The following SGMS1 variants were observed in gnomAD, a reference collection of about 807,000 sequenced individuals.
The protein encoded by SGMS1 is phosphatidylcholine:ceramide cholinephosphotransferase 1.
SGMS1 carries 13 observed loss-of-function variants against 46.2 expected under a neutral mutation model. The ratio of observed to expected loss-of-function variants is 0.28; its 90% CI spans 0.18 to 0.45. The LOEUF is 0.45. Among genes scored for constraint, SGMS1 ranks in the 20% least tolerant of loss-of-function variants. The pLI is 1.00. For missense variants in SGMS1, 324 were observed against 519.9 expected, an observed-to-expected ratio of 0.62 and a Z score of 3.66; for synonymous variants, 203 against 187.8, an observed-to-expected ratio of 1.08 and a Z score of -0.66.
At chr10:50,325,144 G>A (rs1385207037) in intron 8 of SGMS1, among the ~76,000 whole-genome samples, 4 of 152,130 alleles carry the variant, frequency 2.6e-5, no homozygotes, top group Non-Finnish European at 5.9e-5. Flanking sequence ...TTACCTGGGA[G>A]TTGTTTTAAA....
chr10:50,384,602 C>T (rs2133485659), intron 6 of SGMS1, among the ~76,000 whole-genome samples: 1 of 152,062 alleles, frequency 6.6e-6, no homozygotes, highest in East Asian at 1.9e-4. Context: ...TGTGTGCCAC[C>T]ATGCCAGGTT....
intron 1 of SGMS1, among the ~76,000 whole-genome samples, chr10:50,594,849 A>T (rs542492624): frequency 1.3e-5 from 2 of 152,212 alleles, no homozygotes; most frequent in Admixed American, 1.3e-4. Context: ...AAATAAGTTC[A>T]TTTCAACTCA....
At chr10:50,551,867 C>T (rs766881762) in intron 2 of SGMS1, among the ~76,000 whole-genome samples, 1 of 152,108 alleles carries the variant, frequency 6.6e-6, no homozygotes. Context: ...AGCTTTCTGA[C>T]ACACAAATCT....
intron 1 of SGMS1, among the ~76,000 whole-genome samples, chr10:50,614,052 T>A (rs1838774276): frequency 6.6e-6 from 1 of 152,194 alleles, no homozygotes; most frequent in South Asian, 2.1e-4. Flanking sequence ...CTCAATATAC[T>A]TTTAATTTGT....
At position 50,327,241 on chromosome 10, in the gene SGMS1, G is replaced by T; in HGVS notation, c.705C>A (p.Leu235=). 1 of 1,604,602 alleles carries T rather than the reference G, an allele frequency of 6.2e-7. No individual in the cohort carries two copies. The highest frequency in any genetic ancestry group is 1.1e-5 in the South Asian group (1 of 89,422). Residue 235 remains leucine (L), a synonymous_variant, in exon 8 of 11, where the codon CTC becomes CTA. Coordinates refer to ENST00000361781, the MANE Select transcript of SGMS1 (RefSeq NM_147156.4). The part of the protein sequence containing the change: ...YRCITMYVTT[L]PVPGMHFNCS... ...AGTTGAAATGCATACCAGGTACTGGGAGTGTAGTTACATACATTGTAATAC... is the reference window on the plus strand; with the variant it reads ...AGTTGAAATGCATACCAGGTACTGGTAGTGTAGTTACATACATTGTAATAC...
At chr10:50,491,136 C>T (rs1160525701) in intron 3 of SGMS1, among the ~76,000 whole-genome samples, 1 of 151,990 alleles carries the variant, frequency 6.6e-6, no homozygotes, top group African/African-American at 2.4e-5. Flanking sequence ...CAGCTGAGCC[C>T]AGGAGTTCAA....
chr10:50,527,080 AAAAAAAAAAG>A (rs1321879528), intron 2 of SGMS1, among the ~76,000 whole-genome samples: 1 of 147,494 alleles, frequency 6.8e-6, no homozygotes, highest in African/African-American at 2.6e-5. Context: ...AAAAAAAAAA[AAAAAAAAAAG>A]AAAGAAAGAA....
intron 1 of SGMS1, among the ~76,000 whole-genome samples, chr10:50,607,052 C>T (rs550402816): frequency 1.5e-4 from 23 of 151,218 alleles, no homozygotes; most frequent in Non-Finnish European, 1.9e-4. Flanking sequence ...AATCACAGCT[C>T]GCTGCAGTCT....
chr10:50,374,194 T>C (rs913740596), intron 6 of SGMS1, among the ~76,000 whole-genome samples: 2 of 152,206 alleles, frequency 1.3e-5, no homozygotes, highest in Middle Eastern at 3.2e-3. Context: ...ACTAAGCACC[T>C]ACTATGCACA....
At chr10:50,500,083 G>C (rs1256616144) in intron 3 of SGMS1, among the ~76,000 whole-genome samples, 2 of 152,184 alleles carry the variant, frequency 1.3e-5, no homozygotes, top group Non-Finnish European at 2.9e-5. Flanking sequence ...CAAGAGGATC[G>C]CTTGAACCCG....
upstream of SGMS1, chr10:50,625,069 G>C (rs1838910025): frequency 1.0e-6 from 1 of 993,774 alleles, no homozygotes; most frequent in African/African-American, 1.7e-5. Flanking sequence ...GCCACCGCTC[G>C]GCACCTGCCT....
chr10:50,529,175 T>C (rs1446425380), intron 2 of SGMS1, among the ~76,000 whole-genome samples: 2 of 152,224 alleles, frequency 1.3e-5, no homozygotes, highest in Non-Finnish European at 2.9e-5. Context: ...TAGCAGAACA[T>C]GCTTACCACC....
At chr10:50,328,392 G>A (rs181948474) in intron 7 of SGMS1, among the ~76,000 whole-genome samples, 167 of 152,276 alleles carry the variant, frequency 1.1e-3, no homozygotes, top group Non-Finnish European at 1.9e-3. Flanking sequence ...TAGGATCTTG[G>A]CCATTCAATC....
At chr10:50,612,962 A>G (rs1838764623) in intron 1 of SGMS1, among the ~76,000 whole-genome samples, 1 of 152,156 alleles carries the variant, frequency 6.6e-6, no homozygotes, top group South Asian at 2.1e-4. Context: ...TTTTTTAAAA[A>G]CAAAGAAAGT....
chr10:50,484,706 C>T (rs768226292), intron 3 of SGMS1, among the ~76,000 whole-genome samples: 10 of 152,142 alleles, frequency 6.6e-5, no homozygotes, highest in Non-Finnish European at 1.5e-4. Context: ...CATGATCGAG[C>T]TGGCTTCATC....
chr10:50,472,673 T>C (rs1837389013), intron 3 of SGMS1: 1 of 152,186 alleles, frequency 6.6e-6, no homozygotes, highest in African/African-American at 2.4e-5. Context: ...CAGATCAAAT[T>C]TCTTTGGATA....
chr10:50,384,025 C>T (rs1848646146), intron 6 of SGMS1, among the ~76,000 whole-genome samples: 1 of 152,120 alleles, frequency 6.6e-6, no homozygotes, highest in Non-Finnish European at 1.5e-5. Flanking sequence ...CCTTCTGCCA[C>T]ATGAGAGTAC....
chr10:50,478,738 AATTT>A (rs1217434764), intron 3 of SGMS1, among the ~76,000 whole-genome samples: 1 of 152,200 alleles, frequency 6.6e-6, no homozygotes, highest in African/African-American at 2.4e-5. Flanking sequence ...TAAAAATAGG[AATTT>A]ATTTTTGTAT....
Position 50,307,039 on chromosome 10 carries a change from T to A in SGMS1, c.*103A>T. 3.4e-6 allele frequency: 4 copies of A among 1,162,024 alleles called. No individual in the cohort carries two copies. The African/African-American group carries it at 6.1e-5, about 18-fold the overall frequency. The allele number at this position is 1,162,024 out of a possible 1,614,324, so 72.0% of individuals were successfully genotyped here. A position where few individuals can be genotyped will look rare whatever the true frequency, so the allele number is the denominator to read the frequency against. On this transcript the variant is annotated 3_prime_UTR_variant, in exon 11 of 11. Transcript: ENST00000361781. The surrounding 1 kb of genome is among the most constrained non-coding windows in gnomAD (Gnocchi z 4.2). The stretch of plus-strand genomic sequence containing the variant: ...TCAATAGGTTAAGTCAAGGTAACCA[T>A]TGAAAGATAATAGGATTAGGGAGGT...
Sources: gnomAD v4.1 joint callset for allele counts (sites outside exome capture counted in the v4.1 genomes callset) on GRCh38, gnomAD v4.1.1 for gene constraint, Gnocchi (gnomAD v3.1) non-coding constraint, MANE v1.5 for transcripts, NCBI Gene and HGNC (gene_info 2026-07-23, HGNC 2026-07-21) for gene names.